Variants in SLC23A2 observed in about 807,000 individuals in gnomAD.
SLC23A2 encodes the protein Na(+)/L-ascorbic acid transporter 2.
SLC23A2 carries 36 observed loss-of-function variants against 73.3 expected under a neutral mutation model. The observed-to-expected ratio is 0.49, with a 90% CI of 0.38 to 0.65. The LOEUF is 0.65. Ranked by LOEUF, SLC23A2 falls within the 30% of genes least tolerant of loss-of-function variation. The pLI, the probability that SLC23A2 is intolerant of heterozygous loss-of-function variation, is 0.00. For missense variants in SLC23A2, 507 were observed against 841.6 expected (o/e 0.60, Z 4.92); for synonymous variants, 343 against 327.3 (o/e 1.05, Z -0.52).
intron 9 of SLC23A2, among the ~76,000 whole-genome samples, chr20:4,882,768 G>A (rs1930942703): frequency 6.6e-6 from 1 of 152,206 alleles, no homozygotes. Flanking sequence ...CTGATGCATA[G>A]TAAAAGATCA....
intron 1 of SLC23A2, among the ~76,000 whole-genome samples, chr20:4,975,297 T>C (rs889153679): frequency 2.6e-5 from 4 of 152,184 alleles, no homozygotes; most frequent in African/African-American, 9.6e-5. Context: ...TATGTATTTC[T>C]TCATTGGTGC....
chr20:4,871,067 A>T (rs1250255584), intron 11 of SLC23A2, among the ~76,000 whole-genome samples: 1 of 152,222 alleles, frequency 6.6e-6, no homozygotes, highest in Non-Finnish European at 1.5e-5. Context: ...CAAAAATAGC[A>T]TGGGTCTCTT....
chr20:4,895,498 A>G (rs1316998128), intron 6 of SLC23A2, among the ~76,000 whole-genome samples: 4 of 152,238 alleles, frequency 2.6e-5, no homozygotes, highest in African/African-American at 7.2e-5. Context: ...AAACTCCCAA[A>G]AAGTATTTTA....
chr20:4,878,252 T>A lies in SLC23A2; in HGVS notation c.825-3556A>T, dbSNP rs561486280. Among the ~76,000 whole-genome samples, 3 of 152,228 alleles carry A rather than the reference T, an allele frequency of 2.0e-5. No individual in the cohort carries two copies. In the East Asian group the frequency reaches 5.8e-4, roughly 29 times the overall value. ...CCCAGACTGGAGTGCAGTGGTGCAA[T>A]CTCAGCTCATTGCAACCTCCACCTC... On this transcript the variant is annotated intron_variant, in intron 9 of 16. Transcript: ENST00000338244.
At position 4,901,238 on chromosome 20, in the gene SLC23A2, G is replaced by A. The variant is rs138158483; in HGVS notation, c.324+1204C>T. ...TACCATGGGCTGTGATACCTGAAAC[G>A]GGGTGAGGGAAGGGCGGGGCAACTG... On this transcript the variant is annotated intron_variant, in intron 5 of 16. Coordinates refer to ENST00000338244, the MANE Select transcript of SLC23A2 (RefSeq NM_005116.6). Among the ~76,000 whole-genome samples, 282 of 152,168 alleles carry A rather than the reference G, an allele frequency of 1.9e-3. 2 individuals are homozygous for A. Among genetic ancestry groups the A allele is most frequent in the African/African-American group, 6.3e-3 (260 of 41,514 alleles).
intron 6 of SLC23A2, 47 bp from the exon 7 acceptor site, chr20:4,885,956 C>T (rs779830106): frequency 2.7e-5 from 34 of 1,261,190 alleles, no homozygotes; most frequent in African/African-American, 1.9e-4. Context: ...CGGGAACTAC[C>T]GAGGTAGTTC....
intron 2 of SLC23A2, among the ~76,000 whole-genome samples, chr20:4,934,429 G>A (rs1184018814): frequency 6.6e-6 from 1 of 152,102 alleles, no homozygotes; most frequent in Non-Finnish European, 1.5e-5. Context: ...CCCAAGGATG[G>A]CATCCCAGAT....
chr20:5,006,645 A>G (rs2088195104), intron 1 of SLC23A2, among the ~76,000 whole-genome samples: 2 of 150,748 alleles, frequency 1.3e-5, no homozygotes, highest in African/African-American at 2.4e-5. Context: ...GGCTCAAGCA[A>G]TTCTCCTGCC....
In SLC23A2 at chr20:5,008,680, C is replaced by T. The variant is rs191007715; in HGVS notation, c.-282+1502G>A. 3.3e-5 allele frequency among the ~76,000 whole-genome samples: 5 copies of T among 152,284 alleles called. No homozygotes were observed. The East Asian group carries it at 5.8e-4, about 18-fold the overall frequency. Reference sequence around the variant, plus strand: ...CTTTCCCATGAGGGACCTCTCTTCCCTGCCTCGAGTACTGAAGACCCCTCC... The same window carrying T: ...CTTTCCCATGAGGGACCTCTCTTCCTTGCCTCGAGTACTGAAGACCCCTCC... On this transcript the variant is annotated intron_variant, in intron 1 of 16. Coordinates refer to the SLC23A2 transcript ENST00000379333.
chr20:4,853,687 T>G lies in SLC23A2; in HGVS notation c.*3285A>C, dbSNP rs1929607772. On this transcript the variant is annotated 3_prime_UTR_variant, in exon 17 of 17. Coordinates refer to ENST00000338244, the MANE Select transcript of SLC23A2 (RefSeq NM_005116.6). ...GTTGTCATCATGAAAGTCGGTATTC[T>G]ACAGCATAAAGCAAAACCTCTGTGC... 6.6e-6 allele frequency: 1 copy of G among 152,668 alleles called. No homozygotes were observed. The highest frequency in any genetic ancestry group is 2.4e-5 in the African/African-American group (1 of 41,456). The allele number at this position is 152,668 out of a possible 1,614,324, so 9.5% of individuals were successfully genotyped here.
chr20:4,921,146 T>C lies in SLC23A2; in HGVS notation c.109-8168A>G, dbSNP rs1932489076. Among the ~76,000 whole-genome samples the C allele has an allele frequency of 3.9e-5, 6 of 152,340 alleles. No homozygotes were observed. In the South Asian group the frequency reaches 1.2e-3, roughly 32 times the overall value. Reference sequence around the variant, plus strand: ...AATGCAAGTGGAAAAGTTAGATCCATGATTTGCTATATGTCACAATTACAA... The same window carrying C: ...AATGCAAGTGGAAAAGTTAGATCCACGATTTGCTATATGTCACAATTACAA... On this transcript the variant is annotated intron_variant, in intron 3 of 16. Coordinates refer to ENST00000338244, the MANE Select transcript of SLC23A2 (RefSeq NM_005116.6).
In SLC23A2 at chr20:4,920,848, C is replaced by G. The variant is rs537272540; in HGVS notation, c.109-7870G>C. Among the ~76,000 whole-genome samples, 41 of 152,286 alleles carry G rather than the reference C, an allele frequency of 2.7e-4. No individual in the cohort carries two copies. In the South Asian group the frequency reaches 8.3e-3, roughly 31 times the overall value. Reference sequence around the variant, plus strand: ...TCTGGCTGGTGGTGCGGCTGGTTCTCCCTCTATTCCCTCAAAGTGCTATCA... The same window carrying G: ...TCTGGCTGGTGGTGCGGCTGGTTCTGCCTCTATTCCCTCAAAGTGCTATCA... On this transcript the variant is annotated intron_variant, in intron 3 of 16. Transcript: ENST00000338244.
At chr20:4,866,316 T>C (rs888335519) in intron 13 of SLC23A2, among the ~76,000 whole-genome samples, 7 of 152,206 alleles carry the variant, frequency 4.6e-5, no homozygotes, top group Admixed American at 2.6e-4. Context: ...TATTTTTGAA[T>C]TGAAGTTGGT....
chr20:5,004,520 T>C (rs1008439125), upstream of SLC23A2, among the ~76,000 whole-genome samples: 3 of 152,146 alleles, frequency 2.0e-5, no homozygotes, highest in African/African-American at 7.2e-5. Context: ...CTCACACCTT[T>C]TCTGAAAATC....
chr20:4,897,598 C>T (rs1931590850), intron 6 of SLC23A2, among the ~76,000 whole-genome samples: 1 of 152,220 alleles, frequency 6.6e-6, no homozygotes, highest in Non-Finnish European at 1.5e-5. Context: ...AACTGCTTCC[C>T]AGGCCAGCAG....
rs560375395 is a variant in SLC23A2, at chr20:4,872,729, C to T, written c.1102+1207G>A. Reference sequence around the variant, plus strand: ...TGTATAAATGCACACTTAGACCATACAATCTGATGAGAAAGTTATTTTAGA... The same window carrying T: ...TGTATAAATGCACACTTAGACCATATAATCTGATGAGAAAGTTATTTTAGA... On this transcript the variant is annotated intron_variant, in intron 11 of 16. Transcript: ENST00000338244. The surrounding 1 kb of genome is among the most constrained non-coding windows in gnomAD (Gnocchi z 4.4). Among the ~76,000 whole-genome samples the T allele has an allele frequency of 2.2e-4, 34 of 152,238 alleles. 1 individual carries two copies. The highest frequency in any genetic ancestry group is 5.1e-4 in the African/African-American group (21 of 41,538).
intron 2 of SLC23A2, among the ~76,000 whole-genome samples, chr20:4,959,055 C>CG (rs1297854770): frequency 7.8e-6 from 1 of 127,574 alleles, no homozygotes; most frequent in African/African-American, 2.8e-5. Context: ...ACTAAAAATA[C>CG]AAAAAAAAAA....
rs931848938 is a variant in SLC23A2 at position 4,902,157 on chromosome 20, C to T, written c.324+285G>A. On this transcript the variant is annotated intron_variant, in intron 5 of 16. Transcript: ENST00000338244. This position sits in a 1 kb window ranked among gnomAD's most constrained non-coding sequence, Gnocchi z 4.0. ...TAGCTGGGACTGTGGGCACACACCA[C>T]CACACATGGCTAATTTTTGTATTTT... Among the ~76,000 whole-genome samples, 8 of 152,284 alleles carry T rather than the reference C, an allele frequency of 5.3e-5. No homozygotes were observed. The highest frequency in any genetic ancestry group is 3.9e-4 in the East Asian group (2 of 5,182).
chr20:4,955,712 C>G, intron 2 of SLC23A2, among the ~76,000 whole-genome samples: 1 of 152,008 alleles, frequency 6.6e-6, no homozygotes, highest in East Asian at 1.9e-4. Flanking sequence ...ATCGCTTGAG[C>G]GTGGAGGTCG....
Sources: allele counts gnomAD v4.1 joint callset (sites outside exome capture counted in the v4.1 genomes callset), GRCh38; gene constraint gnomAD v4.1.1; non-coding constraint Gnocchi (gnomAD v3.1); transcripts MANE v1.5; gene names NCBI Gene and HGNC (gene_info 2026-07-23, HGNC 2026-07-21).